Variants in GRIP2 observed in about 807,000 individuals in gnomAD.
GRIP2 encodes glutamate receptor-interacting protein 2.
In GRIP2, 58 loss-of-function variants were observed where a neutral mutation model predicts 108.3. The ratio of observed to expected loss-of-function variants is 0.54; its 90% confidence interval spans 0.43 to 0.67. The LOEUF (loss-of-function observed/expected upper bound fraction) is 0.67, where lower values mean the gene tolerates loss of function less well. GRIP2 is among the 30% of genes least tolerant of loss of function. GRIP2 has a pLI of 0.00. For synonymous variants in GRIP2, 586 were observed against 598.2 expected (o/e 0.98, Z 0.30); for missense variants, 1,278 against 1,430.6 (o/e 0.89, Z 1.72).
Position 14,522,627 on chromosome 3 carries a change from G to A in GRIP2, c.566+373C>T, listed in dbSNP as rs1220320085. ...TCGATCAGCCAGGACCCAGGAGACT[G>A]AGTCACAGACGGCTACAGCAGTGGC... On this transcript the variant is annotated intron_variant, in intron 6 of 23. Transcript: ENST00000621039. This position sits in a 1 kb window ranked among gnomAD's most constrained non-coding sequence, Gnocchi z 4.3. 4.9e-6 allele frequency: 1 copy of A among 203,966 alleles called. No homozygotes were observed. The highest frequency in any genetic ancestry group is 2.4e-5 in the African/African-American group (1 of 42,466). 12.6% of individuals were successfully genotyped at this position (203,966 alleles called of 1,614,324 possible). A position where few individuals can be genotyped will look rare whatever the true frequency, so the allele number is the denominator to read the frequency against.
At position 14,525,937 on chromosome 3, in the gene GRIP2, G is replaced by A; in HGVS notation, c.41-6C>T. On this transcript the variant is annotated splice_polypyrimidine_tract_variant and splice_region_variant and intron_variant, in intron 1 of 23. Transcript: ENST00000621039. ...TTTGGAGTAGGGCCCATCGTCTGCA[G>A]GAGAGAAAGAGGGAAAGGCCGAGTT... The A allele has an allele frequency of 4.5e-6, 7 of 1,554,968 alleles. No individual in the cohort carries two copies. Among genetic ancestry groups the A allele is most frequent in the Non-Finnish European group, 6.1e-6 (7 of 1,148,776 alleles).
the GRIP2 span, among the ~76,000 whole-genome samples, chr3:14,594,778 T>G: frequency 6.6e-6 from 1 of 152,242 alleles, no homozygotes; most frequent in Admixed American, 6.5e-5. Context: ...TCTGCCTCAG[T>G]TTCCTCATCT....
intron 7 of GRIP2, 88 bp from the exon 8 acceptor site, chr3:14,520,625 C>T: frequency 1.4e-6 from 2 of 1,408,040 alleles, no homozygotes; most frequent in Non-Finnish European, 2.0e-6. Context: ...TTAATCCTTG[C>T]TGCCTGGAAG....
At chr3:14,586,879 C>A in the GRIP2 span, among the ~76,000 whole-genome samples, 1 of 152,020 alleles carries the variant, frequency 6.6e-6, no homozygotes, top group African/African-American at 2.4e-5. Context: ...TTTAATAATC[C>A]AGGGAAATAC....
At chr3:14,597,011 A>G in the GRIP2 span, among the ~76,000 whole-genome samples, 1 of 152,144 alleles carries the variant, frequency 6.6e-6, no homozygotes, top group East Asian at 1.9e-4. Context: ...CCCAAGTGCT[A>G]GGATTATAGG....
At chr3:14,508,454 C>T (rs1693990249) in intron 17 of GRIP2, among the ~76,000 whole-genome samples, 1 of 152,170 alleles carries the variant, frequency 6.6e-6, no homozygotes, top group Non-Finnish European at 1.5e-5. Flanking sequence ...GTGACCTGAG[C>T]CAGGTGGAGG....
intron 22 of GRIP2, among the ~76,000 whole-genome samples, chr3:14,495,600 T>A (rs1693574745): frequency 6.6e-6 from 1 of 151,652 alleles, no homozygotes. Context: ...AGAGGCAGGG[T>A]TTCACCATGT....
chr3:14,553,743 T>C (rs1695189523), intron 1 of GRIP2, among the ~76,000 whole-genome samples: 1 of 152,142 alleles, frequency 6.6e-6, no homozygotes, highest in South Asian at 2.1e-4. Flanking sequence ...GAAAAAAAGA[T>C]TTTGAAGAAG....
chr3:14,494,913 T>C lies in GRIP2; in HGVS notation c.2900A>G (p.Tyr967Cys), dbSNP rs1187405073. 1 of 1,613,796 alleles carries C rather than the reference T, an allele frequency of 6.2e-7. No individual in the cohort carries two copies. Among genetic ancestry groups the C allele is most frequent in the African/African-American group, 1.3e-5 (1 of 74,922 alleles). ...VSDGLLEKGV[Y>C]VHTVRPDGPA... ...CCCATCAGGGCGCACAGTGTGGACA[T>C]AGACACCTTTTTCCAGGAGGCCATC... is the stretch of plus-strand genomic sequence containing the variant. The change falls in exon 23 of 24, where the codon TAT becomes TGT. Residue 967 changes from tyrosine to cysteine, a missense_variant. Coordinates refer to ENST00000621039, the MANE Select transcript of GRIP2 (RefSeq NM_001080423.4).
chr3:14,503,876 T>G, intron 20 of GRIP2: 1 of 580,220 alleles, frequency 1.7e-6, no homozygotes, highest in Non-Finnish European at 3.1e-6. Flanking sequence ...AAGACGCAGT[T>G]AGGGGCGACC....
At chr3:14,557,391 A>G (rs1240010718), upstream of GRIP2, among the ~76,000 whole-genome samples, 1 of 152,242 alleles carries the variant, frequency 6.6e-6, no homozygotes, top group Non-Finnish European at 1.5e-5. Context: ...AAACAAAGAC[A>G]GAGCAGGCTC....
At chr3:14,561,273 C>T in the GRIP2 span, among the ~76,000 whole-genome samples, 8 of 152,212 alleles carry the variant, frequency 5.3e-5, no homozygotes, top group Non-Finnish European at 7.3e-5. Context: ...CAGATCAGCC[C>T]GGCTGGGAGC....
At chr3:14,581,608 T>C in the GRIP2 span, among the ~76,000 whole-genome samples, 5,801 of 152,280 alleles carry the variant, frequency 0.038, 341 homozygotes, top group African/African-American at 0.13. Flanking sequence ...ATGTTCTTTG[T>C]CCACTGGAAG....
intron 1 of GRIP2, among the ~76,000 whole-genome samples, chr3:14,534,187 G>C (rs1015821423): frequency 3.9e-5 from 6 of 152,226 alleles, no homozygotes; most frequent in Non-Finnish European, 1.5e-5. Context: ...AACTGAGGCA[G>C]CATCCAAACC....
intron 10 of GRIP2, 28 bp downstream of exon 10, chr3:14,517,744 C>T (rs1263897477): frequency 6.2e-7 from 1 of 1,608,158 alleles, no homozygotes; most frequent in Non-Finnish European, 8.5e-7. Flanking sequence ...ACAAGACTGG[C>T]TGAGCTACAG....
upstream of GRIP2, among the ~76,000 whole-genome samples, chr3:14,560,233 G>A (rs1293624154): frequency 6.6e-6 from 1 of 152,140 alleles, no homozygotes; most frequent in Non-Finnish European, 1.5e-5. Flanking sequence ...CAGCCTGAGT[G>A]ACAGAGGGAG....
chr3:14,517,729 A>C, intron 10 of GRIP2, 43 bp downstream of exon 10: 1 of 1,604,380 alleles, frequency 6.2e-7, no homozygotes, highest in South Asian at 1.1e-5. Flanking sequence ...TCCCTAGGAA[A>C]GGCTACAAGA....
At chr3:14,543,705 T>A (rs978296862), upstream of GRIP2, among the ~76,000 whole-genome samples, 1 of 152,186 alleles carries the variant, frequency 6.6e-6, no homozygotes, top group Non-Finnish European at 1.5e-5. Flanking sequence ...AGCATCTGAC[T>A]GCCCCATGTT....
At chr3:14,554,282 T>C (rs893165698) in intron 1 of GRIP2, among the ~76,000 whole-genome samples, 1 of 152,156 alleles carries the variant, frequency 6.6e-6, no homozygotes, top group Non-Finnish European at 1.5e-5. Context: ...ATTTCCTGCA[T>C]CTCCAAGATG....
Sources: gnomAD v4.1 joint callset for allele counts (sites outside exome capture counted in the v4.1 genomes callset) on GRCh38, gnomAD v4.1.1 for gene constraint, Gnocchi (gnomAD v3.1) non-coding constraint, MANE v1.5 for transcripts, NCBI Gene and HGNC (gene_info 2026-07-23, HGNC 2026-07-21) for gene names.